GRM7: variants seen among roughly 807,000 people sequenced by gnomAD.
The protein encoded by GRM7 is glutamate metabotropic receptor 7.
In GRM7, 35 loss-of-function variants were observed where a neutral mutation model predicts 84.5. The ratio of observed to expected loss-of-function variants is 0.41; its 90% CI spans 0.32 to 0.55. The LOEUF (loss-of-function observed/expected upper bound fraction) is 0.55. Ranked by LOEUF, GRM7 falls within the 20% of genes least tolerant of loss-of-function variation. GRM7 has a pLI of 0.19. For missense variants in GRM7, 1,003 were observed against 1,194.6 expected (o/e 0.84, Z 2.36); for synonymous variants, 487 against 455.1 (o/e 1.07, Z -0.89).
chr3:7,719,779 AACACACACACACACACACACAC>A (rs71043692), intron 9 of GRM7, among the ~76,000 whole-genome samples: 11 of 133,442 alleles, frequency 8.2e-5, no homozygotes, highest in Non-Finnish European at 1.6e-4. Flanking sequence ...ACCACTGGGC[AACACACACACACACACACACAC>A]ACACACACAC....
At chr3:7,606,544 T>C (rs1051651049) in intron 8 of GRM7, among the ~76,000 whole-genome samples, 3 of 152,148 alleles carry the variant, frequency 2.0e-5, no homozygotes, top group Admixed American at 6.5e-5. Flanking sequence ...TCTTTTTCTT[T>C]TTGGGGGGAC....
At chr3:6,953,201 GC>G (rs1575061083) in intron 1 of GRM7, among the ~76,000 whole-genome samples, 2 of 152,250 alleles carry the variant, frequency 1.3e-5, no homozygotes, top group Admixed American at 6.5e-5. Context: ...ATTTCCCAGT[GC>G]CTCAGAATTT....
rs144536075 is a variant in GRM7, at chr3:7,188,733, A to G, written c.736+42065A>G. 6.6e-6 allele frequency among the ~76,000 whole-genome samples: 1 copy of G among 152,198 alleles called. No individual in the cohort carries two copies. Among genetic ancestry groups the G allele is most frequent in the African/African-American group, 2.4e-5 (1 of 41,526 alleles). ...GTACTATTCAAGGCATCTGTTTTCT[A>G]TTGGTGGACAGCTTTCTCCCATGTG... On this transcript the variant is annotated intron_variant, in intron 2 of 9. Coordinates refer to ENST00000357716, the MANE Select transcript of GRM7 (RefSeq NM_000844.4). This position sits in a 1 kb window ranked among gnomAD's most constrained non-coding sequence, Gnocchi z 4.2.
At chr3:7,385,263 A>C (rs1487419603) in intron 4 of GRM7, among the ~76,000 whole-genome samples, 2 of 99,024 alleles carry the variant, frequency 2.0e-5, no homozygotes, top group Non-Finnish European at 4.4e-5. Context: ...AAAAGCACTT[A>C]TTTGTGGAAT....
At position 7,104,622 on chromosome 3, in the gene GRM7, A is replaced by G. The variant is rs565686923; in HGVS notation, c.520-41830A>G. On this transcript the variant is annotated intron_variant, in intron 1 of 9. Transcript: ENST00000357716. ...CAGTTTTTTTTGTTAAACATTTTTG[A>G]TGTTTGTTTTGTGTTATGCCTGGAA... 7.3e-5 allele frequency among the ~76,000 whole-genome samples: 11 copies of G among 151,590 alleles called. No individual in the cohort carries two copies. In the South Asian group the frequency reaches 8.3e-4, roughly 11 times the overall value.
intron 1 of GRM7, among the ~76,000 whole-genome samples, chr3:7,126,526 G>A (rs890933740): frequency 6.6e-6 from 1 of 152,092 alleles, no homozygotes; most frequent in African/African-American, 2.4e-5. Context: ...GATAATGCTT[G>A]GAAATGCCTA....
chr3:6,947,488 C>G (rs560677713), intron 1 of GRM7, among the ~76,000 whole-genome samples: 1 of 152,116 alleles, frequency 6.6e-6, no homozygotes, highest in Non-Finnish European at 1.5e-5. Context: ...CATCAATGTT[C>G]GTCAAGGATA....
At chr3:7,622,151 C>T (rs2125088988) in intron 8 of GRM7, among the ~76,000 whole-genome samples, 1 of 152,234 alleles carries the variant, frequency 6.6e-6, no homozygotes, top group East Asian at 1.9e-4. Context: ...CCAAAAGCTG[C>T]AGACCAGAGT....
At chr3:7,126,704 C>G (rs62236058) in intron 1 of GRM7, among the ~76,000 whole-genome samples, 11 of 151,902 alleles carry the variant, frequency 7.2e-5, no homozygotes, top group African/African-American at 2.7e-4. Flanking sequence ...GTGTTGTTGT[C>G]GTGAGAAACC....
chr3:6,965,827 C>T (rs370164872), intron 1 of GRM7, among the ~76,000 whole-genome samples: 44 of 152,288 alleles, frequency 2.9e-4, no homozygotes, highest in African/African-American at 9.1e-4. Flanking sequence ...TCGCATCCAT[C>T]TGAGTGGTGC....
intron 4 of GRM7, among the ~76,000 whole-genome samples, chr3:7,372,729 A>C (rs1317449702): frequency 6.6e-6 from 1 of 152,158 alleles, no homozygotes; most frequent in African/African-American, 2.4e-5. Context: ...ACAATTCATC[A>C]TTTTATTTTA....
At chr3:7,038,944 C>A (rs555728870) in intron 1 of GRM7, among the ~76,000 whole-genome samples, 1 of 152,018 alleles carries the variant, frequency 6.6e-6, no homozygotes, top group Non-Finnish European at 1.5e-5. Context: ...GCAACATAAT[C>A]GTCTCCTGGA....
chr3:6,928,403 C>T lies in GRM7; in HGVS notation c.519+66496C>T, dbSNP rs1011080237. The stretch of plus-strand genomic sequence containing the variant: ...CACACAGTGAATTTGCATTGATATT[C>T]GATATAGGCATCATGGCATATGAGG... On this transcript the variant is annotated intron_variant, in intron 1 of 9. Transcript: ENST00000357716. The surrounding 1 kb of genome is among the most constrained non-coding windows in gnomAD (Gnocchi z 4.5). Among the ~76,000 whole-genome samples the T allele has an allele frequency of 8.6e-5, 13 of 151,836 alleles. No homozygotes were observed. The highest frequency in any genetic ancestry group is 2.9e-5 in the Non-Finnish European group (2 of 67,984).
chr3:7,204,103 G>A (rs987862167), intron 2 of GRM7, among the ~76,000 whole-genome samples: 3 of 152,212 alleles, frequency 2.0e-5, no homozygotes, highest in South Asian at 4.1e-4. Flanking sequence ...TATTGCTTCA[G>A]TTAAAAGAAA....
At chr3:7,589,947 C>T (rs1211518230) in intron 8 of GRM7, among the ~76,000 whole-genome samples, 1 of 152,086 alleles carries the variant, frequency 6.6e-6, no homozygotes. Flanking sequence ...CAAGGCCTCC[C>T]TTCATACAGG....
At chr3:6,956,578 T>G (rs1416676220) in intron 1 of GRM7, 1 of 456,728 alleles carries the variant, frequency 2.2e-6, no homozygotes, top group Admixed American at 2.3e-5. Flanking sequence ...GAGATGCCCT[T>G]CTATCCTGTC....
chr3:6,882,900 C>T (rs1695563172), intron 1 of GRM7, among the ~76,000 whole-genome samples: 1 of 152,178 alleles, frequency 6.6e-6, no homozygotes. Flanking sequence ...CATCTTTGTG[C>T]ATATGTCTTC....
intron 7 of GRM7, among the ~76,000 whole-genome samples, chr3:7,552,491 G>C (rs920531152): frequency 6.6e-6 from 1 of 152,208 alleles, no homozygotes; most frequent in African/African-American, 2.4e-5. Context: ...TGCCCTAGCA[G>C]AGGTCATTCA....
At chr3:7,658,259 A>ATACAG (rs1158424448) in intron 8 of GRM7, among the ~76,000 whole-genome samples, 1 of 152,234 alleles carries the variant, frequency 6.6e-6, no homozygotes, top group Non-Finnish European at 1.5e-5. Context: ...AATTTAGAGC[A>ATACAG]TACAGTATTA....
Sources: gnomAD v4.1 joint callset for allele counts (sites outside exome capture counted in the v4.1 genomes callset) on GRCh38, gnomAD v4.1.1 for gene constraint, Gnocchi (gnomAD v3.1) non-coding constraint, MANE v1.5 for transcripts, NCBI Gene and HGNC (gene_info 2026-07-23, HGNC 2026-07-21) for gene names.